The following IPO13 variants were observed in gnomAD, a reference collection of about 807,000 sequenced individuals.
IPO13 encodes importin 13.
IPO13 carries 28 observed loss-of-function variants against 115.5 expected under a neutral mutation model. That is an observed-to-expected ratio of 0.24 (90% CI 0.18 to 0.33). The LOEUF (loss-of-function observed/expected upper bound fraction) is 0.33, where lower values mean the gene tolerates loss of function less well. IPO13 is among the 10% of genes least tolerant of loss of function. IPO13 has a pLI of 1.00. For synonymous variants in IPO13, 414 were observed against 478.9 expected (o/e 0.86, Z 1.77); for missense variants, 785 against 1,204.6 (o/e 0.65, Z 5.16).
At chr1:43,949,055 C>T (rs925662179) in intron 1 of IPO13, among the ~76,000 whole-genome samples, 2 of 152,228 alleles carry the variant, frequency 1.3e-5, no homozygotes, top group Non-Finnish European at 2.9e-5. Flanking sequence ...GTTCCATGCC[C>T]TTCTCAGACT....
rs373663907 is a variant in IPO13, at chr1:43,951,274, T to C, written c.821+1121T>C. Among the ~76,000 whole-genome samples, 7 of 152,328 alleles carry C rather than the reference T, an allele frequency of 4.6e-5. No homozygotes were observed. In the East Asian group the frequency reaches 1.4e-3, roughly 29 times the overall value. ...TCAGTCTCAGGAGCTCACAGTCTAGTGGACACATGAGTGGCAAGTACAATC... is the reference window on the plus strand; with the variant it reads ...TCAGTCTCAGGAGCTCACAGTCTAGCGGACACATGAGTGGCAAGTACAATC... On this transcript the variant is annotated intron_variant, in intron 2 of 19. Transcript: ENST00000372343.
In IPO13 at chr1:43,966,292, G is replaced by A. The variant is rs1443635515; in HGVS notation, c.2398-283G>A. The A allele has an allele frequency of 5.5e-6, 3 of 541,306 alleles. No individual in the cohort carries two copies. The highest frequency in any genetic ancestry group is 1.0e-5 in the Non-Finnish European group (3 of 299,488). The allele number at this position is 541,306 out of a possible 1,614,324, so 33.5% of individuals were successfully genotyped here. On this transcript the variant is annotated intron_variant, in intron 15 of 19. Coordinates refer to ENST00000372343, the MANE Select transcript of IPO13 (RefSeq NM_014652.4). This position sits in a 1 kb window ranked among gnomAD's most constrained non-coding sequence, Gnocchi z 4.1. Reference sequence around the variant, plus strand: ...GGCCCTGATGGAGGGGGAGGGAAAGGTGTCTGGAACCCAAACTTTCTGCAT... The same window carrying A: ...GGCCCTGATGGAGGGGGAGGGAAAGATGTCTGGAACCCAAACTTTCTGCAT...
rs1439171270 is a variant in IPO13, at chr1:43,956,582, C to T, written c.985C>T (p.His329Tyr). ...HSRALLDQVE[H>Y]WQSFLALVNM... ...CAGGGCCTTGCTGGACCAAGTAGAG[C>T]ACTGGCAGAGTTTCCTGGCACTCGT... Residue 329 changes from histidine to tyrosine, a missense_variant, in exon 4 of 20, where the codon CAC becomes TAC. Around this residue, in one of 3 missense-constraint regions of IPO13, gnomAD observed 325 missense variants for 449.8 expected, o/e 0.72. Transcript: ENST00000372343. This position sits in a 1 kb window ranked among gnomAD's most constrained non-coding sequence, Gnocchi z 4.7. The T allele has an allele frequency of 1.9e-6, 3 of 1,614,070 alleles. No homozygotes were observed. In the African/African-American group the frequency reaches 4.0e-5, roughly 22 times the overall value.
chr1:43,964,481 C>G (rs1246709534), intron 15 of IPO13, among the ~76,000 whole-genome samples, 160 bp downstream of exon 15: 1 of 152,098 alleles, frequency 6.6e-6, no homozygotes, highest in Non-Finnish European at 1.5e-5. Flanking sequence ...GTTGACAACC[C>G]AACATCCTCC....
Position 43,958,902 on chromosome 1 carries a change from T to C in IPO13, c.2028+13T>C. The C allele has an allele frequency of 1.2e-6, 2 of 1,612,336 alleles. No individual in the cohort carries two copies. The highest frequency in any genetic ancestry group is 1.1e-5 in the South Asian group (1 of 91,024). Reference sequence around the variant, plus strand: ...GGGACCCAACCCCGTGGGTGACATTTGCCCACGGCAAAGACATTTGTCTTT... The same window carrying C: ...GGGACCCAACCCCGTGGGTGACATTCGCCCACGGCAAAGACATTTGTCTTT... On this transcript the variant is annotated intron_variant, in intron 11 of 19. Coordinates refer to ENST00000372343, the MANE Select transcript of IPO13 (RefSeq NM_014652.4). The surrounding 1 kb of genome is among the most constrained non-coding windows in gnomAD (Gnocchi z 6.3).
At chr1:43,950,660 G>C (rs748659886) in intron 2 of IPO13, among the ~76,000 whole-genome samples, 7 of 152,138 alleles carry the variant, frequency 4.6e-5, no homozygotes, top group Non-Finnish European at 8.8e-5. Context: ...ACTCATAATG[G>C]TGCTGCACAG....
At position 43,947,499 on chromosome 1, in the gene IPO13, C is replaced by G; in HGVS notation, c.-102C>G. ...CCCTGGGCCCCCCCTCACCCCACCA[C>G]TCCCTGGGCACCCAAGCCGGGGTCT... On this transcript the variant is annotated 5_prime_UTR_variant, in exon 1 of 20. Coordinates refer to ENST00000372343, the MANE Select transcript of IPO13 (RefSeq NM_014652.4). 1.6e-6 allele frequency: 1 copy of G among 627,958 alleles called. No individual in the cohort carries two copies. Among genetic ancestry groups the G allele is most frequent in the Non-Finnish European group, 2.3e-6 (1 of 432,310 alleles). 38.9% of individuals were successfully genotyped at this position (627,958 alleles called of 1,614,324 possible).
At position 43,958,594 on chromosome 1, in the gene IPO13, TAGTG is replaced by T. The variant is rs747248355; in HGVS notation, c.1884+6_1884+9del. The T allele has an allele frequency of 5.6e-6, 9 of 1,613,994 alleles. No homozygotes were observed. Among genetic ancestry groups the T allele is most frequent in the Admixed American group, 3.3e-5 (2 of 60,018 alleles). The stretch of plus-strand genomic sequence containing the variant: ...CAACTGGAGAAGCTGGCAGAGGAGA[TAGTG>T]AGTGAGCTCTGGGGGCCAGGGAGCG... On this transcript the variant is annotated splice_donor_variant and splice_donor_region_variant and coding_sequence_variant and intron_variant, in exon 10 of 20. Coordinates refer to ENST00000372343, the MANE Select transcript of IPO13 (RefSeq NM_014652.4). LOFTEE classifies it high-confidence loss of function. This position sits in a 1 kb window ranked among gnomAD's most constrained non-coding sequence, Gnocchi z 6.3.
chr1:43,958,675 G>T lies in IPO13; in HGVS notation c.1885-71G>T, dbSNP rs111302917. On this transcript the variant is annotated intron_variant, in intron 10 of 19. Coordinates refer to ENST00000372343, the MANE Select transcript of IPO13 (RefSeq NM_014652.4). This position sits in a 1 kb window ranked among gnomAD's most constrained non-coding sequence, Gnocchi z 6.3. ...GGTGAGGTTGGAGCTGGCCCTCAGAGCTGAGGCTCAGTGATCTGGGGACCA... is the reference window on the plus strand; with the variant it reads ...GGTGAGGTTGGAGCTGGCCCTCAGATCTGAGGCTCAGTGATCTGGGGACCA... The T allele has an allele frequency of 7.3e-5, 117 of 1,612,382 alleles. No individual in the cohort carries two copies. In the African/African-American group the frequency reaches 1.4e-3, roughly 19 times the overall value.
chr1:43,965,093 G>C (rs2085313324), intron 15 of IPO13, among the ~76,000 whole-genome samples: 2 of 152,036 alleles, frequency 1.3e-5, no homozygotes, highest in South Asian at 4.2e-4. Flanking sequence ...TTGGAGGTGT[G>C]TGTGTTGGGT....
intron 15 of IPO13, among the ~76,000 whole-genome samples, chr1:43,965,458 G>A (rs940431956): frequency 2.0e-5 from 3 of 152,192 alleles, no homozygotes; most frequent in East Asian, 3.9e-4. Flanking sequence ...GAAGAATAGG[G>A]AGTGTTCTGG....
rs1178624844 is a variant in IPO13 at position 43,950,066 on chromosome 1, C to T, written c.734C>T (p.Ala245Val). 1 of 1,613,880 alleles carries T rather than the reference C, an allele frequency of 6.2e-7. No homozygotes were observed. The highest frequency in any genetic ancestry group is 1.1e-5 in the South Asian group (1 of 91,058). ...PLQDCEALIQAAFAALQDSEL... is the reference protein window; with the variant it reads ...PLQDCEALIQVAFAALQDSEL... ...CAGGACTGTGAGGCGCTCATTCAGG[C>T]TGCCTTTGCTGCTCTGCAGGACTCG... The change falls in exon 2 of 20, where the codon GCT becomes GTT. Residue 245 changes from alanine (A) to valine (V), a missense_variant. Around this residue, in one of 3 missense-constraint regions of IPO13, gnomAD observed 325 missense variants for 449.8 expected, o/e 0.72. Coordinates refer to ENST00000372343, the MANE Select transcript of IPO13 (RefSeq NM_014652.4).
chr1:43,951,374 C>A (rs2085207871), intron 2 of IPO13, among the ~76,000 whole-genome samples: 1 of 152,092 alleles, frequency 6.6e-6, no homozygotes, highest in Admixed American at 6.6e-5. Flanking sequence ...AGTCTGAGGG[C>A]TGTGAAAGGA....
rs553921358 is a variant in IPO13 at position 43,949,903 on chromosome 1, C to T, written c.571C>T (p.Arg191Trp). ...ACCCCAGTACCGCAAAGGCCTGGTG[C>T]GGACCAGCCTGGCGGTGGAATGTGG... ...RLPQYRKGLVRTSLAVECGAV... is the reference protein window; with the variant it reads ...RLPQYRKGLVWTSLAVECGAV... Residue 191 changes from arginine to tryptophan, a missense_variant, in exon 2 of 20, where the codon CGG becomes TGG. By Grantham distance (101) the Arg-to-Trp change is moderately radical. Around this residue, in one of 3 missense-constraint regions of IPO13, gnomAD observed 325 missense variants for 449.8 expected, o/e 0.72. Transcript: ENST00000372343. The T allele has an allele frequency of 4.3e-6, 7 of 1,610,716 alleles. No individual in the cohort carries two copies. The highest frequency in any genetic ancestry group is 2.7e-5 in the African/African-American group (2 of 75,052).
In IPO13 at chr1:43,949,668, T is replaced by G. The variant is rs571227578; in HGVS notation, c.336T>G (p.Phe112Leu). Residue 112 changes from phenylalanine to leucine, a missense_variant, in exon 2 of 20, where the codon TTT (phenylalanine) becomes TTG (leucine). Phe to Leu is a conservative substitution (Grantham distance 22, BLOSUM62 0). Around this residue, in one of 3 missense-constraint regions of IPO13, gnomAD observed 325 missense variants for 449.8 expected, o/e 0.72. Coordinates refer to ENST00000372343, the MANE Select transcript of IPO13 (RefSeq NM_014652.4). Reference sequence around the variant, plus strand: ...AGCTCTTCACCCAGATCACCCGCTTTGCCAGTGGCTCCAAGATTGTACTGA... The same window carrying G: ...AGCTCTTCACCCAGATCACCCGCTTGGCCAGTGGCTCCAAGATTGTACTGA... The part of the protein sequence containing the change: ...KAQLFTQITR[F>L]ASGSKIVLTR... 5.1e-5 allele frequency: 83 copies of G among 1,614,250 alleles called. No homozygotes were observed. Among genetic ancestry groups the G allele is most frequent in the Non-Finnish European group, 6.6e-5 (78 of 1,180,046 alleles).
chr1:43,967,688 GC>G lies in IPO13; in HGVS notation c.*11del, dbSNP rs749366185. The G allele has an allele frequency of 6.2e-7, 1 of 1,613,100 alleles. No homozygotes were observed. The highest frequency in any genetic ancestry group is 1.1e-5 in the South Asian group (1 of 91,052). On this transcript the variant is annotated 3_prime_UTR_variant, in exon 20 of 20. Transcript: ENST00000372343. The surrounding 1 kb of genome is among the most constrained non-coding windows in gnomAD (Gnocchi z 6.1). ...ATTACACAGCTGACTACTGAGGGGTGCCCCCATCCCATCCACCCCTTCTCTT... is the reference window on the plus strand; with the variant it reads ...ATTACACAGCTGACTACTGAGGGGTGCCCCATCCCATCCACCCCTTCTCTT...
Position 43,956,740 on chromosome 1 carries a change from G to A in IPO13, c.1104+39G>A. On this transcript the variant is annotated intron_variant, in intron 4 of 19. Transcript: ENST00000372343. This position sits in a 1 kb window ranked among gnomAD's most constrained non-coding sequence, Gnocchi z 4.7. ...ACCTCCAGTAGGACTGGGCTGTGGT[G>A]GAAGAAGGTGGATCATGGGCTTCTA... 1 of 1,613,876 alleles carries A rather than the reference G, an allele frequency of 6.2e-7. No individual in the cohort carries two copies. The highest frequency in any genetic ancestry group is 1.3e-5 in the African/African-American group (1 of 75,046).
intron 2 of IPO13, among the ~76,000 whole-genome samples, chr1:43,955,121 C>T (rs1177586759): frequency 6.6e-6 from 1 of 152,178 alleles, no homozygotes; most frequent in African/African-American, 2.4e-5. Context: ...TCTGTTTTGC[C>T]TCTTAGCTCT....
At position 43,966,257 on chromosome 1, in the gene IPO13, C is replaced by T. The variant is rs527370225; in HGVS notation, c.2398-318C>T. 12 of 469,236 alleles carry T rather than the reference C, an allele frequency of 2.6e-5. No individual in the cohort carries two copies. The highest frequency in any genetic ancestry group is 1.7e-4 in the South Asian group (8 of 45,944). 29.1% of individuals were successfully genotyped at this position (469,236 alleles called of 1,614,324 possible). A position where few individuals can be genotyped will look rare whatever the true frequency, so the allele number is the denominator to read the frequency against. On this transcript the variant is annotated intron_variant, in intron 15 of 19. Coordinates refer to ENST00000372343, the MANE Select transcript of IPO13 (RefSeq NM_014652.4). The surrounding 1 kb of genome is among the most constrained non-coding windows in gnomAD (Gnocchi z 4.1). ...GTCACTGCTGGCAACCTAGAGCCTG[C>T]GAGACATCTGGCCCTGATGGAGGGG...
Sources: gnomAD v4.1 joint callset for allele counts (sites outside exome capture counted in the v4.1 genomes callset) on GRCh38, gnomAD v4.1.1 for gene constraint, gnomAD v4.1.1 regional missense constraint, Gnocchi (gnomAD v3.1) non-coding constraint, MANE v1.5 for transcripts, NCBI Gene and HGNC (gene_info 2026-07-23, HGNC 2026-07-21) for gene names.